The following VPS13D variants were observed in gnomAD, a reference collection of about 807,000 sequenced individuals.
VPS13D encodes intermembrane lipid transfer protein VPS13D.
VPS13D carries 187 observed loss-of-function variants against 461.9 expected under a neutral mutation model. That is an observed-to-expected ratio of 0.40 (90% CI 0.36 to 0.46). The LOEUF is 0.46. Among genes scored for constraint, VPS13D ranks in the 20% least tolerant of loss-of-function variants. VPS13D has a pLI of 0.60. For missense variants in VPS13D, 4,711 were observed against 5,364.9 expected (o/e 0.88, Z 3.81); for synonymous variants, 1,951 against 1,986.3 (o/e 0.98, Z 0.47).
intron 25 of VPS13D, among the ~76,000 whole-genome samples, chr1:12,302,493 A>G (rs1050907913): frequency 2.0e-5 from 3 of 152,174 alleles, no homozygotes; most frequent in South Asian, 2.1e-4. Context: ...AAGGGTTCCT[A>G]TTTTTTAAGT....
Position 12,311,875 on chromosome 1 carries a change from T to A in VPS13D, c.6885T>A (p.Ser2295Arg), listed in dbSNP as rs1233878176. 1.9e-6 allele frequency: 3 copies of A among 1,614,048 alleles called. No individual in the cohort carries two copies. The highest frequency in any genetic ancestry group is 2.5e-6 in the Non-Finnish European group (3 of 1,180,018). The change falls in exon 29 of 70, where the codon AGT becomes AGA. Residue 2295 changes from serine to arginine, a missense_variant. Transcript: ENST00000620676. ...TCCTCATTGATATGGTGAATGTAAG[T>A]CTGGAGCTTAAAGATCCAAAAAGAA... ...MCFLIDMVNV[S>R]LELKDPKRKE...
chr1:12,440,831 G>T (rs543443618), intron 65 of VPS13D, among the ~76,000 whole-genome samples: 2 of 149,066 alleles, frequency 1.3e-5, no homozygotes, highest in African/African-American at 5.2e-5. Context: ...AGCTGAGATC[G>T]TGCCACTGCA....
intron 25 of VPS13D, among the ~76,000 whole-genome samples, chr1:12,301,087 C>T (rs558474782): frequency 3.3e-5 from 5 of 152,316 alleles, no homozygotes; most frequent in African/African-American, 1.2e-4. Flanking sequence ...CAATACATAG[C>T]TGCCATTTGC....
intron 6 of VPS13D, among the ~76,000 whole-genome samples, chr1:12,253,301 G>T (rs977975347): frequency 1.3e-5 from 2 of 152,168 alleles, no homozygotes; most frequent in African/African-American, 4.8e-5. Context: ...GCCTTTTTAA[G>T]AGACTTGAGC....
chr1:12,315,778 G>T (rs1234361605), intron 30 of VPS13D, among the ~76,000 whole-genome samples: 1 of 152,038 alleles, frequency 6.6e-6, no homozygotes, highest in South Asian at 2.1e-4. Context: ...TGTTTCCTTT[G>T]AACAAGAGGC....
intron 65 of VPS13D, among the ~76,000 whole-genome samples, chr1:12,440,343 C>G (rs1262245736): frequency 6.6e-6 from 1 of 152,096 alleles, no homozygotes; most frequent in Non-Finnish European, 1.5e-5. Context: ...GTAGAACACT[C>G]TTAAAAGATA....
chr1:12,393,412 G>A (rs1235651783), intron 60 of VPS13D, among the ~76,000 whole-genome samples: 1 of 152,230 alleles, frequency 6.6e-6, no homozygotes, highest in Non-Finnish European at 1.5e-5. Context: ...GGACAGGAAT[G>A]GAGAAAAAGG....
intron 65 of VPS13D, among the ~76,000 whole-genome samples, chr1:12,433,931 T>TGAGAGAGAGAGAGAGAGAGAGAGA (rs374176072): frequency 2.4e-4 from 30 of 126,510 alleles, no homozygotes; most frequent in South Asian, 1.0e-3. Flanking sequence ...AGAGAGAGAG[T>TGAGAGAGAGAGAGAGAGAGAGAGA]GAGAGAGAGA....
rs367780464 is a variant in VPS13D at position 12,237,337 on chromosome 1, A to G, written c.97+2974A>G. ...AGATCCCTTTTCTACAAAAAAAAAAAAAAAAATTAGCTGGGTATGGTGGCG... is the reference window on the plus strand; with the variant it reads ...AGATCCCTTTTCTACAAAAAAAAAAGAAAAAATTAGCTGGGTATGGTGGCG... On this transcript the variant is annotated intron_variant, in intron 2 of 69. Transcript: ENST00000620676. Among the ~76,000 whole-genome samples, 71 of 150,530 alleles carry G rather than the reference A, an allele frequency of 4.7e-4. 2 individuals carry two copies. In the East Asian group the frequency reaches 6.6e-3, roughly 14 times the overall value.
rs370275542 is a variant in VPS13D, at chr1:12,314,133, C to T, written c.6954C>T (p.Cys2318=). The change falls in exon 30 of 70, where the codon TGC becomes TGT. Residue 2318 remains cysteine (C), a synonymous_variant. Coordinates refer to ENST00000620676, the MANE Select transcript of VPS13D (RefSeq NM_015378.4). ...GSLARFDFKK[C]KLLYESFSNQ... is the part of the protein sequence containing the mutation. Reference sequence around the variant, plus strand: ...CTTTTAGATTTGACTTCAAGAAATGCAAACTGCTCTATGAAAGTTTTTCCA... The same window carrying T: ...CTTTTAGATTTGACTTCAAGAAATGTAAACTGCTCTATGAAAGTTTTTCCA... The T allele has an allele frequency of 3.1e-5, 50 of 1,613,904 alleles. No homozygotes were observed. Among genetic ancestry groups the T allele is most frequent in the Non-Finnish European group, 3.3e-5 (39 of 1,179,966 alleles).
chr1:12,302,663 G>A (rs2101467479), intron 25 of VPS13D, among the ~76,000 whole-genome samples: 1 of 152,106 alleles, frequency 6.6e-6, no homozygotes, highest in East Asian at 1.9e-4. Context: ...AACCTTATGG[G>A]ATTCAGCAGT....
At chr1:12,446,942 T>C (rs1645200521) in intron 65 of VPS13D, among the ~76,000 whole-genome samples, 1 of 152,130 alleles carries the variant, frequency 6.6e-6, no homozygotes, top group African/African-American at 2.4e-5. Context: ...TTGGGACCTG[T>C]TTCAGATTGT....
rs200448666 is a variant in VPS13D, at chr1:12,248,739, T to C, written c.448-484T>C. Among the ~76,000 whole-genome samples, 12 of 152,338 alleles carry C rather than the reference T, an allele frequency of 7.9e-5. No homozygotes were observed. In the East Asian group the frequency reaches 1.3e-3, roughly 17 times the overall value. On this transcript the variant is annotated intron_variant, in intron 5 of 69. Transcript: ENST00000620676. ...GAAATACATATATACATACATAGTT[T>C]ATGTGCCTTGCTGGTTTCCTTGGTC...
chr1:12,331,224 C>T (rs1341864441), intron 37 of VPS13D, among the ~76,000 whole-genome samples: 2 of 152,172 alleles, frequency 1.3e-5, no homozygotes, highest in Non-Finnish European at 2.9e-5. Flanking sequence ...TAGGCATGGA[C>T]AGAATAATCA....
intron 67 of VPS13D, chr1:12,478,805 G>C (rs1368190276): frequency 4.4e-6 from 2 of 455,946 alleles, no homozygotes; most frequent in African/African-American, 4.0e-5. Context: ...GTATAATGTT[G>C]CTGGAGGAAA....
At position 12,335,587 on chromosome 1, in the gene VPS13D, A is replaced by G. The variant is rs898818129; in HGVS notation, c.8429-118A>G. ...GGCATAGACTTTCTCGGAATCTAGC[A>G]CAGGCCAGGCATGTAATGAGACACT... On this transcript the variant is annotated intron_variant, in intron 38 of 69. Coordinates refer to ENST00000620676, the MANE Select transcript of VPS13D (RefSeq NM_015378.4). 5 of 1,318,200 alleles carry G rather than the reference A, an allele frequency of 3.8e-6. No homozygotes were observed. In the African/African-American group the frequency reaches 7.4e-5, roughly 19 times the overall value. The allele number at this position is 1,318,200 out of a possible 1,614,324, so 81.7% of individuals were successfully genotyped here.
chr1:12,373,707 G>A, intron 54 of VPS13D, 43 bp from the exon 55 acceptor site: 1 of 1,182,244 alleles, frequency 8.5e-7, no homozygotes, highest in Non-Finnish European at 1.1e-6. Flanking sequence ...GTGTATACCT[G>A]TATATATATT....
intron 21 of VPS13D, among the ~76,000 whole-genome samples, chr1:12,287,425 T>C (rs1421379565): frequency 2.0e-5 from 3 of 152,226 alleles, no homozygotes; most frequent in Admixed American, 6.5e-5. Flanking sequence ...AGTACCTACT[T>C]TGTGGCAGGC....
In VPS13D at chr1:12,497,482, G is replaced by A; in HGVS notation, c.12663-18G>A. On this transcript the variant is annotated intron_variant, in intron 67 of 69. Coordinates refer to ENST00000620676, the MANE Select transcript of VPS13D (RefSeq NM_015378.4). ...TGCACACTTAACCTCTTGGCTTTAT[G>A]TCCATTTACCCATCTAGGACTCAAG... 1 of 1,604,010 alleles carries A rather than the reference G, an allele frequency of 6.2e-7. No individual in the cohort carries two copies. The highest frequency in any genetic ancestry group is 8.5e-7 in the Non-Finnish European group (1 of 1,174,452).
Sources: allele counts gnomAD v4.1 joint callset (sites outside exome capture counted in the v4.1 genomes callset), GRCh38; gene constraint gnomAD v4.1.1; transcripts MANE v1.5; gene names NCBI Gene and HGNC (gene_info 2026-07-23, HGNC 2026-07-21).